HEG1: variants seen among roughly 807,000 people sequenced by gnomAD.
HEG1 encodes the protein heart development protein with EGF like domains 1, also known as protein HEG homolog 1.
HEG1 carries 56 observed loss-of-function variants against 125.6 expected under a neutral mutation model. The observed-to-expected ratio is 0.45, with a 90% CI of 0.36 to 0.56. The LOEUF is 0.56. Ranked by LOEUF, HEG1 falls within the 20% of genes least tolerant of loss-of-function variation. The pLI is 0.00. For synonymous variants in HEG1, 644 were observed against 668.5 expected, an observed-to-expected ratio of 0.96 and a Z score of 0.57; for missense variants, 1,523 against 1,670.0, an observed-to-expected ratio of 0.91 and a Z score of 1.53.
intron 7 of HEG1, among the ~76,000 whole-genome samples, chr3:125,010,043 T>C (rs748303602): frequency 1.3e-5 from 2 of 152,218 alleles, no homozygotes; most frequent in Non-Finnish European, 2.9e-5. Flanking sequence ...AAGATTTGCA[T>C]ATACGGGGGA....
Position 125,020,882 on chromosome 3 carries a change from T to C in HEG1, c.1162A>G (p.Thr388Ala), listed in dbSNP as rs749861038. Residue 388 changes from threonine (T) to alanine (A), a missense_variant, in exon 4 of 17, where the codon ACT becomes GCT. By Grantham distance (58) the Thr-to-Ala change is moderately conservative. Transcript: ENST00000311127. ...AATTCCTCATCCCCTGGATTCCCAG[T>C]TACTCTACTGTTTCTTCTCGATTCC... ...AVESRRNSRV[T>A]GNPGDEEFIE... is the part of the protein sequence containing the mutation. 9 of 1,613,906 alleles carry C rather than the reference T, an allele frequency of 5.6e-6. No individual in the cohort carries two copies. The highest frequency in any genetic ancestry group is 1.7e-6 in the Non-Finnish European group (2 of 1,179,888).
intron 14 of HEG1, 66 bp downstream of exon 14, chr3:124,990,721 C>G: frequency 7.0e-7 from 1 of 1,436,612 alleles, no homozygotes; most frequent in Non-Finnish European, 9.6e-7. Flanking sequence ...AGGAGACTGA[C>G]ACCTGTGCAC....
intron 14 of HEG1, among the ~76,000 whole-genome samples, chr3:124,979,768 CTAAACAAGGATG>C (rs1378555781): frequency 6.6e-6 from 1 of 152,160 alleles, no homozygotes; most frequent in Non-Finnish European, 1.5e-5. Context: ...CCCGTTTCTA[CTAAACAAGGATG>C]TAAACAAGGA....
intron 1 of HEG1, among the ~76,000 whole-genome samples, chr3:125,034,356 G>A (rs983292848): frequency 6.6e-6 from 1 of 151,912 alleles, no homozygotes; most frequent in Non-Finnish European, 1.5e-5. Context: ...AATTACATTA[G>A]AAAAAATTTT....
intron 8 of HEG1, 175 bp downstream of exon 8, chr3:125,009,530 G>T (rs773336079): frequency 6.0e-6 from 3 of 501,786 alleles, no homozygotes; most frequent in Non-Finnish European, 1.0e-5. Context: ...TGCAAAGTAG[G>T]GTGTTCTATC....
chr3:124,974,908 T>G (rs944753105), intron 15 of HEG1, among the ~76,000 whole-genome samples: 2 of 152,162 alleles, frequency 1.3e-5, no homozygotes, highest in Non-Finnish European at 2.9e-5. Flanking sequence ...GCTCAGACAA[T>G]GACATACTCA....
chr3:125,029,428 A>G lies in HEG1; in HGVS notation c.377T>C (p.Phe126Ser). The G allele has an allele frequency of 6.2e-7, 1 of 1,606,120 alleles. No individual in the cohort carries two copies. Among genetic ancestry groups the G allele is most frequent in the Non-Finnish European group, 8.5e-7 (1 of 1,179,818 alleles). ...NTEAHVENIT[F>S]YQNQEDFSTV... ...TGAAAAGTCCTCTTGATTCTGATAG[A>G]AGGTGATGTTTTCTACATGGGCCTC... Residue 126 changes from phenylalanine to serine, a missense_variant, in exon 2 of 17, where the codon TTC becomes TCC. Coordinates refer to ENST00000311127, the MANE Select transcript of HEG1 (RefSeq NM_020733.2).
chr3:125,036,085 C>T (rs563832511), intron 1 of HEG1, among the ~76,000 whole-genome samples: 1 of 151,546 alleles, frequency 6.6e-6, no homozygotes, highest in Non-Finnish European at 1.5e-5. Flanking sequence ...TGGCACATGC[C>T]TGTAGTTGCA....
rs541166622 is a variant in HEG1 at position 124,981,461 on chromosome 3, C to A, written c.3734-3515G>T. On this transcript the variant is annotated intron_variant, in intron 14 of 16. Coordinates refer to ENST00000311127, the MANE Select transcript of HEG1 (RefSeq NM_020733.2). ...CAGACCACAAGTTGTGTAGCACTGG[C>A]ATAGACGAGGGCTTCTCAAACTCCC... Among the ~76,000 whole-genome samples the A allele has an allele frequency of 2.0e-5, 3 of 152,260 alleles. No individual in the cohort carries two copies. The East Asian group carries it at 5.8e-4, about 29-fold the overall frequency.
At chr3:125,019,056 C>T (rs1160733092) in intron 5 of HEG1, among the ~76,000 whole-genome samples, 1 of 152,038 alleles carries the variant, frequency 6.6e-6, no homozygotes, top group Non-Finnish European at 1.5e-5. Context: ...TTAGTAGAGA[C>T]AGGGTTTCAC....
chr3:124,970,571 G>C lies in HEG1; in HGVS notation c.*81C>G. 7.5e-7 allele frequency: 1 copy of C among 1,331,624 alleles called. No individual in the cohort carries two copies. The highest frequency in any genetic ancestry group is 1.5e-5 in the African/African-American group (1 of 68,308). 82.5% of individuals were successfully genotyped at this position (1,331,624 alleles called of 1,614,324 possible). A position where few individuals can be genotyped will look rare whatever the true frequency, so the allele number is the denominator to read the frequency against. On this transcript the variant is annotated 3_prime_UTR_variant, in exon 17 of 17. Transcript: ENST00000311127. ...TCAGCGTGGCTCCCGACAAATCCTG[G>C]GCGCAGCCTCCTGGTGCGGTCCTCT...
intron 5 of HEG1, among the ~76,000 whole-genome samples, chr3:125,018,129 C>T (rs1937280387): frequency 6.6e-6 from 1 of 152,074 alleles, no homozygotes; most frequent in African/African-American, 2.4e-5. Context: ...GGGAACAACC[C>T]AAACATCCAT....
chr3:125,002,339 G>T (rs367951718), intron 9 of HEG1, 24 bp from the exon 10 acceptor site: 6 of 1,602,938 alleles, frequency 3.7e-6, no homozygotes, highest in Non-Finnish European at 5.1e-6. Flanking sequence ...CAAGCCTGTC[G>T]TTAACAGTGA....
chr3:125,054,793 G>A (rs1937892995), intron 1 of HEG1, among the ~76,000 whole-genome samples: 1 of 152,214 alleles, frequency 6.6e-6, no homozygotes, highest in Admixed American at 6.5e-5. Flanking sequence ...GAAAGTGAGC[G>A]CAAAGAGACA....
At chr3:125,029,792 T>C (rs2981544) in intron 1 of HEG1, among the ~76,000 whole-genome samples, 75,682 of 152,018 alleles carry the variant, frequency 0.5, 19,196 homozygotes, top group Middle Eastern at 0.64. Flanking sequence ...CTAGGGAGGC[T>C]GAGGCAGGAG....
At position 125,027,234 on chromosome 3, in the gene HEG1, G is replaced by A. The variant is rs766952568; in HGVS notation, c.884C>T (p.Ala295Val). The A allele has an allele frequency of 9.9e-6, 16 of 1,610,242 alleles. No individual in the cohort carries two copies. Among genetic ancestry groups the A allele is most frequent in the Non-Finnish European group, 1.4e-5 (16 of 1,178,370 alleles). Residue 295 changes from alanine (A) to valine (V), a missense_variant, in exon 3 of 17, where the codon GCT becomes GTT. Physicochemically the swap from Ala to Val is moderately conservative, Grantham distance 64. Transcript: ENST00000311127. ...LSWLHFYRTA[A>V]SSPLLDLSSS... ...GGAAAGGTCTAAGAGAGGAGAGGAA[G>A]CTGCTGTCCTGTAGAAATGCAGCCA...
chr3:125,025,038 T>C (rs1579426373), intron 3 of HEG1, among the ~76,000 whole-genome samples: 2 of 152,366 alleles, frequency 1.3e-5, no homozygotes, highest in African/African-American at 4.8e-5. Context: ...CCAGCCAGGC[T>C]GAGCCGACTC....
intron 1 of HEG1, among the ~76,000 whole-genome samples, chr3:125,045,096 T>G (rs1579439286): frequency 6.6e-6 from 1 of 152,096 alleles, no homozygotes; most frequent in African/African-American, 2.4e-5. Flanking sequence ...CAAAGGGAGG[T>G]CAGGTCTTAG....
chr3:125,032,420 G>A (rs553752107), intron 1 of HEG1, among the ~76,000 whole-genome samples: 34 of 152,332 alleles, frequency 2.2e-4, no homozygotes, highest in African/African-American at 8.2e-4. Flanking sequence ...GCTTCCTGGA[G>A]GGGGAGGGAA....
Sources: gnomAD v4.1 joint callset for allele counts (sites outside exome capture counted in the v4.1 genomes callset) on GRCh38, gnomAD v4.1.1 for gene constraint, MANE v1.5 for transcripts, NCBI Gene and HGNC (gene_info 2026-07-23, HGNC 2026-07-21) for gene names.